BIVM: variants seen among roughly 807,000 people sequenced by gnomAD.
The protein encoded by BIVM is basic immunoglobulin-like variable motif-containing protein.
In BIVM, 31 loss-of-function variants were observed where a neutral mutation model predicts 61.4. That is an observed-to-expected ratio of 0.51 (90% CI 0.38 to 0.68). The LOEUF (loss-of-function observed/expected upper bound fraction) is 0.68. BIVM is among the 30% of genes least tolerant of loss of function. The pLI is 0.00. For synonymous variants in BIVM, 189 were observed against 210.7 expected (o/e 0.90, Z 0.89); for missense variants, 526 against 596.0 (o/e 0.88, Z 1.22).
chr13:102,835,632 A>G (rs1881412949), intron 9 of BIVM, among the ~76,000 whole-genome samples: 1 of 152,174 alleles, frequency 6.6e-6, no homozygotes. Flanking sequence ...TCCCAGGTTC[A>G]AGAGATTCTC....
At chr13:102,804,137 AAG>A (rs1878913569) in intron 1 of BIVM, among the ~76,000 whole-genome samples, 1 of 152,288 alleles carries the variant, frequency 6.6e-6, no homozygotes, top group Non-Finnish European at 1.5e-5. Context: ...TTTAAAACTG[AAG>A]AGTTTTTTGT....
At position 102,799,251 on chromosome 13, in the gene BIVM, A is replaced by C; in HGVS notation, c.-477A>C. On this transcript the variant is annotated 5_prime_UTR_variant, in exon 1 of 11. Coordinates refer to ENST00000257336, the MANE Select transcript of BIVM (RefSeq NM_017693.4). ...CCATCAAAGGGGCGCACGGGTCTGG[A>C]GGCGCAGCTCAGGTTTTTGCGTTGG... 3.6e-6 allele frequency: 1 copy of C among 281,118 alleles called. No homozygotes were observed. The highest frequency in any genetic ancestry group is 6.2e-5 in the East Asian group (1 of 16,094). 17.4% of individuals were successfully genotyped at this position (281,118 alleles called of 1,614,324 possible).
At chr13:102,838,295 C>T (rs1013382374) in intron 9 of BIVM, among the ~76,000 whole-genome samples, 2 of 152,140 alleles carry the variant, frequency 1.3e-5, no homozygotes, top group Non-Finnish European at 2.9e-5. Flanking sequence ...CTAATAGAGA[C>T]ATATTAACTT....
chr13:102,838,217 C>T (rs1365803340), intron 9 of BIVM, among the ~76,000 whole-genome samples: 1 of 152,158 alleles, frequency 6.6e-6, no homozygotes, highest in Non-Finnish European at 1.5e-5. Flanking sequence ...TCCATCTTTA[C>T]CAAATCCTTT....
chr13:102,819,157 C>G (rs1380084742), intron 4 of BIVM, among the ~76,000 whole-genome samples: 4 of 152,260 alleles, frequency 2.6e-5, no homozygotes, highest in Admixed American at 2.0e-4. Flanking sequence ...CATATTTAAA[C>G]AACTAGGGCA....
intron 9 of BIVM, among the ~76,000 whole-genome samples, chr13:102,835,822 C>T (rs1205057309): frequency 3.3e-5 from 5 of 152,212 alleles, no homozygotes; most frequent in Non-Finnish European, 7.3e-5. Flanking sequence ...CGTGAGCCAC[C>T]ACGCCTGGCT....
rs756732573 is a variant in BIVM, at chr13:102,816,419, G to T, written c.479-9G>T. 3.9e-6 allele frequency: 6 copies of T among 1,558,012 alleles called. No homozygotes were observed. The highest frequency in any genetic ancestry group is 2.2e-5 in the Admixed American group (1 of 46,248). On this transcript the variant is annotated splice_polypyrimidine_tract_variant and intron_variant, in intron 3 of 10. Coordinates refer to ENST00000257336, the MANE Select transcript of BIVM (RefSeq NM_017693.4). ...AGCATTTTGCTTATTTTATACTCTT[G>T]TATTCTAGGCAATGCAAAGAAACAA... is the stretch of plus-strand genomic sequence containing the variant.
chr13:102,840,789 C>T lies in BIVM; in HGVS notation c.*924C>T, dbSNP rs973013033. 9 of 150,714 alleles carry T rather than the reference C, an allele frequency of 6.0e-5. No homozygotes were observed. The allele number at this position is 150,714 out of a possible 1,614,324, so 9.3% of individuals were successfully genotyped here. On this transcript the variant is annotated 3_prime_UTR_variant, in exon 11 of 11. Coordinates refer to ENST00000257336, the MANE Select transcript of BIVM (RefSeq NM_017693.4). ...ATTTCTTGATGTGGTTTGTAATAAT[C>T]AAATATTGACAAGAACCTTAGGTCT...
chr13:102,809,855 G>A (rs1427796726), intron 3 of BIVM, among the ~76,000 whole-genome samples: 6 of 148,874 alleles, frequency 4.0e-5, no homozygotes, highest in Admixed American at 1.3e-4. Context: ...GCGCGATCTC[G>A]GCTCACTGCA....
intron 8 of BIVM, among the ~76,000 whole-genome samples, chr13:102,833,327 G>GTTTTTGTTTTTTTTTTTTTTT (rs1881233261): frequency 1.3e-5 from 1 of 79,598 alleles, no homozygotes; most frequent in Non-Finnish European, 2.6e-5. Flanking sequence ...GATAGGATGG[G>GTTTTTGTTTTTTTTTTTTTTT]TTTTTTTTTT....
chr13:102,821,443 A>G (rs1307072014), intron 5 of BIVM, among the ~76,000 whole-genome samples: 1 of 152,100 alleles, frequency 6.6e-6, no homozygotes, highest in Non-Finnish European at 1.5e-5. Flanking sequence ...AAGTAAAAAA[A>G]TAAAAACAAC....
chr13:102,812,425 TTTG>T (rs1046841019), intron 3 of BIVM, among the ~76,000 whole-genome samples: 5 of 152,100 alleles, frequency 3.3e-5, no homozygotes, highest in South Asian at 4.1e-4. Context: ...CTTGTGATTT[TTTG>T]TTGTTGTTGT....
chr13:102,809,286 G>A (rs1231014708), intron 3 of BIVM, among the ~76,000 whole-genome samples: 1 of 152,120 alleles, frequency 6.6e-6, no homozygotes, highest in Non-Finnish European at 1.5e-5. Flanking sequence ...TTACTTAGAT[G>A]TATGCTGTTT....
In BIVM at chr13:102,841,162, T is replaced by A. The variant is rs1390445382; in HGVS notation, c.*1297T>A. The A allele has an allele frequency of 6.6e-6, 1 of 152,644 alleles. No homozygotes were observed. The highest frequency in any genetic ancestry group is 1.5e-5 in the Non-Finnish European group (1 of 68,026). 9.5% of individuals were successfully genotyped at this position (152,644 alleles called of 1,614,324 possible). On this transcript the variant is annotated 3_prime_UTR_variant, in exon 11 of 11. Coordinates refer to ENST00000257336, the MANE Select transcript of BIVM (RefSeq NM_017693.4). ...TGGTTTTTCTTCTGCTGCCAACCTG[T>A]GACTCACAAATGACTAGGATCTCTT...
chr13:102,839,859 T>A lies in BIVM; in HGVS notation c.1506T>A (p.Asn502Lys). ...GYQGYSDYDGND is the reference protein window; with the variant it reads ...GYQGYSDYDGKD ...AGGGTTACAGTGATTACGATGGGAA[T>A]GATTGACTATGCTTGCTACTGAACA... The change falls in exon 11 of 11, where the codon AAT becomes AAA. Residue 502 changes from asparagine to lysine, a missense_variant. Physicochemically the swap from Asn to Lys is moderately conservative, Grantham distance 94. Coordinates refer to ENST00000257336, the MANE Select transcript of BIVM (RefSeq NM_017693.4). The A allele has an allele frequency of 6.2e-7, 1 of 1,609,302 alleles. No individual in the cohort carries two copies.
intron 7 of BIVM, among the ~76,000 whole-genome samples, chr13:102,828,907 G>T (rs1263759073): frequency 1.3e-5 from 2 of 151,982 alleles, no homozygotes; most frequent in Non-Finnish European, 2.9e-5. Context: ...GCGTGCACCT[G>T]TAATCCCAGC....
chr13:102,807,742 T>G lies in BIVM; in HGVS notation c.475T>G (p.Ser159Ala). 6.2e-7 allele frequency: 1 copy of G among 1,607,194 alleles called. No individual in the cohort carries two copies. Among genetic ancestry groups the G allele is most frequent in the Non-Finnish European group, 8.5e-7 (1 of 1,176,622 alleles). Reference sequence around the variant, plus strand: ...GGTGACCACAAATTCGAAACACAAATCAGGTAAGGAGGGAGCCATGAAGTT... The same window carrying G: ...GGTGACCACAAATTCGAAACACAAAGCAGGTAAGGAGGGAGCCATGAAGTT... ...DGVTTNSKHKSGNAKKQVSKR... is the reference protein window; with the variant it reads ...DGVTTNSKHKAGNAKKQVSKR... Residue 159 changes from serine (S) to alanine (A), a missense_variant, in exon 3 of 11, where the codon TCA becomes GCA. By Grantham distance (99) the Ser-to-Ala change is moderately conservative. Around this residue, in one of 3 missense-constraint regions of BIVM, gnomAD observed 312 missense variants for 343.8 expected, o/e 0.91. Coordinates refer to ENST00000257336, the MANE Select transcript of BIVM (RefSeq NM_017693.4). This position sits in a 1 kb window ranked among gnomAD's most constrained non-coding sequence, Gnocchi z 4.0.
At chr13:102,837,134 C>T (rs1407920440) in intron 9 of BIVM, among the ~76,000 whole-genome samples, 1 of 152,002 alleles carries the variant, frequency 6.6e-6, no homozygotes, top group Non-Finnish European at 1.5e-5. Context: ...AAAAATTAGC[C>T]AGGCATGGTG....
intron 4 of BIVM, among the ~76,000 whole-genome samples, chr13:102,819,135 G>A (rs1880067625): frequency 6.6e-6 from 1 of 152,104 alleles, no homozygotes; most frequent in Non-Finnish European, 1.5e-5. Context: ...CTCTTAGGTT[G>A]GAGTTCACAC....
Sources: gnomAD v4.1 joint callset for allele counts (sites outside exome capture counted in the v4.1 genomes callset) on GRCh38, gnomAD v4.1.1 for gene constraint, gnomAD v4.1.1 regional missense constraint, Gnocchi (gnomAD v3.1) non-coding constraint, MANE v1.5 for transcripts, NCBI Gene and HGNC (gene_info 2026-07-23, HGNC 2026-07-21) for gene names.